NR2F1-AS1: variants seen among roughly 807,000 people sequenced by gnomAD.
NR2F1-AS1 encodes the protein NR2F1 antisense RNA 1.
chr5:93,561,001 T>C (rs563564791), intron 2 of NR2F1-AS1, among the ~76,000 whole-genome samples: 1 of 152,244 alleles, frequency 6.6e-6, no homozygotes. Context: ...TGGCCGGGCA[T>C]GGTGGCTCAC....
upstream of NR2F1-AS1, chr5:93,584,925 C>CCCCCCTT (rs1234445623): frequency 1.4e-5 from 2 of 144,026 alleles, no homozygotes; most frequent in Non-Finnish European, 3.1e-5. Context: ...CCCTCCCCCT[C>CCCCCCTT]CCCCCTTCCC....
intron 4 of NR2F1-AS1, among the ~76,000 whole-genome samples, chr5:93,548,835 C>T (rs938979474): frequency 2.0e-5 from 3 of 152,146 alleles, no homozygotes; most frequent in Admixed American, 6.6e-5. Context: ...CATGCCACCA[C>T]ACTCCAGCCT....
At chr5:93,535,689 AACAGTAAATGTGATATACC>A (rs1751824636) in intron 4 of NR2F1-AS1, among the ~76,000 whole-genome samples, 1 of 152,176 alleles carries the variant, frequency 6.6e-6, no homozygotes, top group African/African-American at 2.4e-5. Flanking sequence ...AGAGATGCAA[AACAGTAAATGTGATATACC>A]ACATTAACAG....
upstream of NR2F1-AS1, among the ~76,000 whole-genome samples, chr5:93,581,721 TCTCTCTCTCTCTCCCCCTCTCC>T (rs1561519154): frequency 2.4e-4 from 14 of 58,672 alleles, no homozygotes; most frequent in Middle Eastern, 0.011. Context: ...TCTCTCTCTC[TCTCTCTCTCTCTCCCCCTCTCC>T]CTCTCCCTCT....
intron 4 of NR2F1-AS1, among the ~76,000 whole-genome samples, chr5:93,450,349 TCCAAAATA>T (rs1283479409): frequency 6.6e-6 from 1 of 152,204 alleles, no homozygotes; most frequent in Non-Finnish European, 1.5e-5. Flanking sequence ...TTAGTTGTTG[TCCAAAATA>T]CCAAAATACC....
At chr5:93,440,413 T>C (rs1259924224) in intron 4 of NR2F1-AS1, among the ~76,000 whole-genome samples, 1 of 152,320 alleles carries the variant, frequency 6.6e-6, no homozygotes, top group East Asian at 1.9e-4. Context: ...AGCAACCCAT[T>C]GAAGGCCTGA....
chr5:93,464,493 G>T (rs1315329773), intron 4 of NR2F1-AS1, among the ~76,000 whole-genome samples: 1 of 152,138 alleles, frequency 6.6e-6, no homozygotes, highest in Non-Finnish European at 1.5e-5. Flanking sequence ...AACAGCACAT[G>T]ATTAAATTTG....
intron 1 of NR2F1-AS1, among the ~76,000 whole-genome samples, chr5:93,573,480 G>C (rs1435880954): frequency 6.6e-6 from 1 of 152,104 alleles, no homozygotes; most frequent in Non-Finnish European, 1.5e-5. Flanking sequence ...ACTATCACAC[G>C]CAACTGGGAG....
chr5:93,413,053 A>G (rs1748891259), intron 4 of NR2F1-AS1, among the ~76,000 whole-genome samples: 1 of 143,974 alleles, frequency 6.9e-6, no homozygotes, highest in Admixed American at 7.1e-5. Flanking sequence ...TAGACAAATT[A>G]TAGCACTATG....
At chr5:93,458,325 T>C (rs1468754513) in intron 4 of NR2F1-AS1, among the ~76,000 whole-genome samples, 2 of 152,226 alleles carry the variant, frequency 1.3e-5, no homozygotes, top group East Asian at 3.8e-4. Context: ...TATGATGTGA[T>C]ACTGGCTTAA....
At position 93,579,790 on chromosome 5, in the gene NR2F1-AS1, C is replaced by T. The variant is rs913133753; in HGVS notation, n.313+677G>A. Among the ~76,000 whole-genome samples, 1 of 152,202 alleles carries T rather than the reference C, an allele frequency of 6.6e-6. No individual in the cohort carries two copies. Among genetic ancestry groups the T allele is most frequent in the African/African-American group, 2.4e-5 (1 of 41,450 alleles). On this transcript the variant is annotated intron_variant and non_coding_transcript_variant, in intron 1 of 5. Transcript: ENST00000660523. This position sits in a 1 kb window ranked among gnomAD's most constrained non-coding sequence, Gnocchi z 5.1. ...CCCGCCCCCAGCCGGCTGGCAGCGG[C>T]GCAGGGAGTCTGGCTCGGCTGCTAG...
intron 4 of NR2F1-AS1, among the ~76,000 whole-genome samples, chr5:93,462,587 G>A (rs140275389): frequency 6.6e-6 from 1 of 152,084 alleles, no homozygotes; most frequent in Non-Finnish European, 1.5e-5. Flanking sequence ...ACAGTTTGGA[G>A]GGTTCAAGAG....
chr5:93,500,642 A>C (rs954972883), intron 4 of NR2F1-AS1, among the ~76,000 whole-genome samples: 1 of 152,002 alleles, frequency 6.6e-6, no homozygotes, highest in Non-Finnish European at 1.5e-5. Flanking sequence ...AGTCTTACTA[A>C]ATTTTTTTTT....
At chr5:93,535,677 G>A (rs951442817) in intron 4 of NR2F1-AS1, among the ~76,000 whole-genome samples, 6 of 152,146 alleles carry the variant, frequency 3.9e-5, no homozygotes, top group East Asian at 1.9e-4. Flanking sequence ...GGGATTCATC[G>A]TAGAGATGCA....
chr5:93,523,981 G>C (rs1170744387), intron 4 of NR2F1-AS1, among the ~76,000 whole-genome samples: 1 of 151,990 alleles, frequency 6.6e-6, no homozygotes, highest in African/African-American at 2.4e-5. Flanking sequence ...ACCAGGAAGG[G>C]AACAAAACTG....
chr5:93,445,919 C>G (rs1026941502), intron 4 of NR2F1-AS1, among the ~76,000 whole-genome samples: 1 of 152,160 alleles, frequency 6.6e-6, no homozygotes, highest in Non-Finnish European at 1.5e-5. Context: ...TACATGTAAT[C>G]CATCATATAA....
At chr5:93,467,871 T>A (rs1315889451) in intron 4 of NR2F1-AS1, among the ~76,000 whole-genome samples, 1 of 152,348 alleles carries the variant, frequency 6.6e-6, no homozygotes, top group East Asian at 1.9e-4. Context: ...TGTGTTCTTA[T>A]TGTTCAACTC....
chr5:93,452,022 G>GCATACTA (rs1338405084), intron 4 of NR2F1-AS1, among the ~76,000 whole-genome samples: 67 of 152,258 alleles, frequency 4.4e-4, no homozygotes, highest in Non-Finnish European at 8.4e-4. Context: ...ATTATCTAAT[G>GCATACTA]TTTTATACCA....
At chr5:93,459,770 T>A (rs148530155) in intron 4 of NR2F1-AS1, among the ~76,000 whole-genome samples, 57 of 152,204 alleles carry the variant, frequency 3.7e-4, no homozygotes, top group African/African-American at 1.3e-3. Flanking sequence ...AGGAGTCTTT[T>A]TCTTGACCCA....
Sources: gnomAD v4.1 joint callset for allele counts (sites outside exome capture counted in the v4.1 genomes callset) on GRCh38, gnomAD v4.1.1 for gene constraint, Gnocchi (gnomAD v3.1) non-coding constraint, MANE v1.5 for transcripts, NCBI Gene and HGNC (gene_info 2026-07-23, HGNC 2026-07-21) for gene names.